Variants in MIER3 observed in about 807,000 individuals in gnomAD.
MIER3 encodes MIER family member 3, also known as mesoderm induction early response protein 3.
MIER3 carries 9 observed loss-of-function variants against 63.2 expected under a neutral mutation model. The ratio of observed to expected loss-of-function variants is 0.14; its 90% CI spans 0.09 to 0.25. The LOEUF (loss-of-function observed/expected upper bound fraction) is 0.25. Ranked by LOEUF, MIER3 falls within the 10% of genes least tolerant of loss-of-function variation. The pLI, the probability that MIER3 is intolerant of heterozygous loss-of-function variation, is 1.00. For synonymous variants in MIER3, 205 were observed against 224.9 expected, an observed-to-expected ratio of 0.91 and a Z score of 0.79; for missense variants, 512 against 666.2, an observed-to-expected ratio of 0.77 and a Z score of 2.55.
intron 3 of MIER3, among the ~76,000 whole-genome samples, chr5:56,945,835 G>C (rs1750807158): frequency 6.6e-6 from 1 of 152,032 alleles, no homozygotes. Flanking sequence ...CACTAAAAAA[G>C]ATTAAGAGAA....
At chr5:56,939,853 G>C (rs1354272272) in intron 3 of MIER3, among the ~76,000 whole-genome samples, 1 of 152,224 alleles carries the variant, frequency 6.6e-6, no homozygotes, top group East Asian at 1.9e-4. Flanking sequence ...TACAGCTGTG[G>C]TAGGAATAAT....
chr5:56,946,155 A>G (rs956123444), intron 3 of MIER3, among the ~76,000 whole-genome samples: 6 of 152,224 alleles, frequency 3.9e-5, no homozygotes, highest in African/African-American at 1.2e-4. Flanking sequence ...GATGATATAT[A>G]TAAGAATGTG....
chr5:56,940,206 T>C (rs1750595525), intron 3 of MIER3, among the ~76,000 whole-genome samples: 1 of 152,346 alleles, frequency 6.6e-6, no homozygotes. Context: ...TTCGAATAAA[T>C]AACCTCAAAA....
chr5:56,935,010 G>C (rs1750391715), intron 7 of MIER3, among the ~76,000 whole-genome samples: 1 of 152,148 alleles, frequency 6.6e-6, no homozygotes, highest in Non-Finnish European at 1.5e-5. Flanking sequence ...CTCTTTTGGG[G>C]CTGGGGAAGG....
rs1375251371 is a variant in MIER3, at chr5:56,920,796, T to C, written c.*2332A>G. ...ATATTGAATTAGATCTAAAAAGATA[T>C]GAAGAATTTACACTTATATACAAAA... On this transcript the variant is annotated 3_prime_UTR_variant, in exon 13 of 13. Coordinates refer to ENST00000381199, the MANE Select transcript of MIER3 (RefSeq NM_001297599.2). 1 of 152,398 alleles carries C rather than the reference T, an allele frequency of 6.6e-6. No individual in the cohort carries two copies. Among genetic ancestry groups the C allele is most frequent in the Non-Finnish European group, 1.5e-5 (1 of 67,946 alleles). The allele number at this position is 152,398 out of a possible 1,614,324, so 9.4% of individuals were successfully genotyped here. A position where few individuals can be genotyped will look rare whatever the true frequency, so the allele number is the denominator to read the frequency against.
intron 5 of MIER3, among the ~76,000 whole-genome samples, chr5:56,936,216 CAA>C (rs112687216): frequency 1.4e-5 from 2 of 147,008 alleles, no homozygotes; most frequent in African/African-American, 5.0e-5. Flanking sequence ...GACTCCATCT[CAA>C]AAAAAAAAGT....
At chr5:56,940,662 A>G (rs1170077816) in intron 3 of MIER3, among the ~76,000 whole-genome samples, 1 of 152,252 alleles carries the variant, frequency 6.6e-6, no homozygotes, top group African/African-American at 2.4e-5. Context: ...TGGGATTTAA[A>G]TCAACCAAAA....
chr5:56,935,228 T>C (rs551520351), intron 7 of MIER3, among the ~76,000 whole-genome samples, 200 bp downstream of exon 7: 1 of 152,110 alleles, frequency 6.6e-6, no homozygotes, highest in South Asian at 2.1e-4. Context: ...TTGGGCAGGG[T>C]TGGGGGTGGG....
In MIER3 at chr5:56,921,638, C is replaced by T. The variant is rs760683372; in HGVS notation, c.*1490G>A. 3 of 152,514 alleles carry T rather than the reference C, an allele frequency of 2.0e-5. No homozygotes were observed. The highest frequency in any genetic ancestry group is 4.4e-5 in the Non-Finnish European group (3 of 67,990). The allele number at this position is 152,514 out of a possible 1,614,324, so 9.4% of individuals were successfully genotyped here. On this transcript the variant is annotated 3_prime_UTR_variant, in exon 13 of 13. Transcript: ENST00000381199. ...TAATAAATACCCTCCCTTTCAATCA[C>T]TACTAAGATCACTACATCCTATCTA...
At chr5:56,943,910 A>G (rs1008927558) in intron 3 of MIER3, among the ~76,000 whole-genome samples, 4 of 152,206 alleles carry the variant, frequency 2.6e-5, no homozygotes, top group African/African-American at 9.6e-5. Flanking sequence ...TAAGGGACAC[A>G]GTAGAGTCTA....
At chr5:56,929,426 G>A (rs373186069) in intron 9 of MIER3, 15 of 152,318 alleles carry the variant, frequency 9.8e-5, no homozygotes, top group Admixed American at 6.5e-5. Context: ...CTAGCCAGGC[G>A]TGGTGGCGGG....
chr5:56,930,721 T>C lies in MIER3; in HGVS notation c.772A>G (p.Asn258Asp). 1.2e-6 allele frequency: 2 copies of C among 1,613,834 alleles called. No individual in the cohort carries two copies. The highest frequency in any genetic ancestry group is 1.7e-4 in the Middle Eastern group (1 of 6,060). Residue 258 changes from asparagine (N) to aspartate (D), a missense_variant, in exon 9 of 13, where the codon AAC (asparagine) becomes GAC (aspartate). Coordinates refer to ENST00000381199, the MANE Select transcript of MIER3 (RefSeq NM_001297599.2). ...EQALYELLKCNHNIKEAIERY... is the reference protein window; with the variant it reads ...EQALYELLKCDHNIKEAIERY... Reference sequence around the variant, plus strand: ...TCGATTGCTTCCTTTATATTGTGGTTACACTTGAGAAGTTCATATAATGCC... The same window carrying C: ...TCGATTGCTTCCTTTATATTGTGGTCACACTTGAGAAGTTCATATAATGCC...
intron 10 of MIER3, 87 bp from the exon 11 acceptor site, chr5:56,924,129 A>G (rs995142093): frequency 9.4e-6 from 12 of 1,282,558 alleles, no homozygotes; most frequent in Non-Finnish European, 1.3e-5. Flanking sequence ...TACAACTTCA[A>G]TCCATGGGTC....
At position 56,950,665 on chromosome 5, in the gene MIER3, G is replaced by A. The variant is rs1441115577; in HGVS notation, c.10-13C>T. 1.2e-6 allele frequency: 2 copies of A among 1,613,358 alleles called. No homozygotes were observed. The highest frequency in any genetic ancestry group is 1.7e-5 in the Admixed American group (1 of 59,926). On this transcript the variant is annotated splice_polypyrimidine_tract_variant and intron_variant, in intron 1 of 12. Transcript: ENST00000381199. ...TTCCAAAAGAAGCCTAGGAGAGAGA[G>A]AAGAAAACGTGAGGTTAGATCGCAC... is the stretch of plus-strand genomic sequence containing the variant.
chr5:56,924,918 G>C (rs1749887382), intron 10 of MIER3, among the ~76,000 whole-genome samples: 1 of 152,180 alleles, frequency 6.6e-6, no homozygotes, highest in Middle Eastern at 3.2e-3. Context: ...AAGAAATACA[G>C]TATACCTTTC....
At chr5:56,927,316 G>C (rs1238839801) in intron 10 of MIER3, among the ~76,000 whole-genome samples, 1 of 152,030 alleles carries the variant, frequency 6.6e-6, no homozygotes, top group East Asian at 1.9e-4. Context: ...AATAATAAAA[G>C]ATATAATAAT....
At chr5:56,930,465 G>T (rs1390092335) in intron 9 of MIER3, among the ~76,000 whole-genome samples, 199 bp downstream of exon 9, 1 of 152,158 alleles carries the variant, frequency 6.6e-6, no homozygotes, top group Non-Finnish European at 1.5e-5. Flanking sequence ...TGGCAGGGGG[G>T]TGACTAATTT....
intron 3 of MIER3, among the ~76,000 whole-genome samples, chr5:56,946,368 T>C (rs1411012144): frequency 1.3e-5 from 2 of 152,206 alleles, no homozygotes; most frequent in African/African-American, 2.4e-5. Flanking sequence ...CATTTGAATT[T>C]ATATTGACTT....
chr5:56,938,645 A>G (rs1036370228), intron 4 of MIER3, among the ~76,000 whole-genome samples: 2 of 152,258 alleles, frequency 1.3e-5, no homozygotes, highest in African/African-American at 4.8e-5. Flanking sequence ...TCTACACAGG[A>G]AAGATGAAAA....
Sources: allele counts gnomAD v4.1 joint callset (sites outside exome capture counted in the v4.1 genomes callset), GRCh38; gene constraint gnomAD v4.1.1; transcripts MANE v1.5; gene names NCBI Gene and HGNC (gene_info 2026-07-23, HGNC 2026-07-21).